Variants in GPR153 observed in about 807,000 individuals in gnomAD.
GPR153 encodes probable G protein-coupled receptor 153.
Under a neutral mutation model 34.1 loss-of-function variants are expected in GPR153, and 27 were observed. The ratio of observed to expected loss-of-function variants is 0.79; its 90% CI spans 0.58 to 1.09. The LOEUF is 1.09. Ranked by LOEUF, GPR153 falls within the 50% of genes least tolerant of loss-of-function variation. GPR153 has a pLI of 0.00. For missense variants in GPR153, 848 were observed against 860.2 expected, an observed-to-expected ratio of 0.99 and a Z score of 0.18; for synonymous variants, 408 against 405.4, an observed-to-expected ratio of 1.01 and a Z score of -0.08.
intron 1 of GPR153, among the ~76,000 whole-genome samples, chr1:6,258,317 C>T (rs1328105901): frequency 7.2e-5 from 11 of 152,086 alleles, no homozygotes; most frequent in Non-Finnish European, 4.4e-5. Flanking sequence ...TTAGTAGAGA[C>T]GAGGTTTCAT....
rs2100991128 is a variant in GPR153, at chr1:6,255,549, A to G, written c.-109-535T>C. On this transcript the variant is annotated intron_variant, in intron 1 of 5. Coordinates refer to ENST00000377893, the MANE Select transcript of GPR153 (RefSeq NM_207370.4). ...GAGTGCAGTGGTGAGATCATAGCTC[A>G]CTGTGGCATGGAACTCCTGGGCTCA... Among the ~76,000 whole-genome samples the G allele has an allele frequency of 2.7e-5, 4 of 148,436 alleles. 1 individual carries two copies. In the Admixed American group the frequency reaches 2.7e-4, roughly 10 times the overall value.
chr1:6,247,897 A>T lies in GPR153; in HGVS notation c.*1441T>A, dbSNP rs1448801236. The T allele has an allele frequency of 6.6e-6, 1 of 152,388 alleles. No individual in the cohort carries two copies. The highest frequency in any genetic ancestry group is 1.5e-5 in the Non-Finnish European group (1 of 68,152). 9.4% of individuals were successfully genotyped at this position (152,388 alleles called of 1,614,324 possible). On this transcript the variant is annotated 3_prime_UTR_variant, in exon 6 of 6. Transcript: ENST00000377893. ...GGGACTGGAGGGGCCTCTGAAGCAC[A>T]GACAGGCTTAGGCAGCCTCCCACCC... is the stretch of plus-strand genomic sequence containing the variant.
chr1:6,253,889 G>T lies in GPR153; in HGVS notation c.615C>A (p.Arg205=), dbSNP rs897234991. 1.2e-6 allele frequency: 2 copies of T among 1,603,536 alleles called. No individual in the cohort carries two copies. The highest frequency in any genetic ancestry group is 2.2e-5 in the South Asian group (2 of 90,358). ...CGGTGAAGGCGCGGCGGTCGGCCTG[G>T]CGCCCCACCTGCACGGCCAGCGTCT... ...LFQTLAVQVG[R]QADRRAFTVP... Residue 205 remains arginine (R), a synonymous_variant, in exon 3 of 6, where the codon CGC becomes CGA. Coordinates refer to ENST00000377893, the MANE Select transcript of GPR153 (RefSeq NM_207370.4).
chr1:6,253,835 C>G lies in GPR153; in HGVS notation c.669G>C (p.Gln223His), dbSNP rs1463901745. ...TVPTIVVEDAQGKRRSSIDGS... is the reference protein window; with the variant it reads ...TVPTIVVEDAHGKRRSSIDGS... ...CATCGATGGAGGAGCGCCGCTTGCC[C>G]TGCGCGTCCTCCACCACGATGGTGG... is the stretch of plus-strand genomic sequence containing the variant. The change falls in exon 3 of 6, where the codon CAG (glutamine) becomes CAC (histidine). Residue 223 changes from glutamine to histidine, a missense_variant. Gln to His is a conservative substitution (Grantham distance 24). Transcript: ENST00000377893. 2 of 1,600,532 alleles carry G rather than the reference C, an allele frequency of 1.2e-6. No individual in the cohort carries two copies. Among genetic ancestry groups the G allele is most frequent in the Admixed American group, 3.4e-5 (2 of 59,314 alleles).
intron 1 of GPR153, among the ~76,000 whole-genome samples, chr1:6,258,980 GC>G (rs1230030526): frequency 2.0e-5 from 3 of 152,250 alleles, no homozygotes; most frequent in Non-Finnish European, 4.4e-5. Flanking sequence ...AGGTCTGAAG[GC>G]AGGGTGCAGT....
chr1:6,250,451 G>C lies in GPR153; in HGVS notation c.1153C>G (p.Gln385Glu). 6.2e-7 allele frequency: 1 copy of C among 1,601,142 alleles called. No individual in the cohort carries two copies. Among genetic ancestry groups the C allele is most frequent in the Non-Finnish European group, 8.5e-7 (1 of 1,174,288 alleles). The change falls in exon 5 of 6, where the codon CAA becomes GAA. Residue 385 changes from glutamine (Q) to glutamate (E), a missense_variant. Gln to Glu is a conservative substitution (Grantham distance 29, BLOSUM62 2). Coordinates refer to ENST00000377893, the MANE Select transcript of GPR153 (RefSeq NM_207370.4). ...AGCCCTGCGCTCACCTGCAGGTATT[G>C]CATCTTGTCCTCCTGCAAGGGCCGC... Reference protein sequence around the residue: ...PLRPLQEDKMQYLQVPPTRRF... With the variant: ...PLRPLQEDKMEYLQVPPTRRF...
Position 6,249,587 on chromosome 1 carries a change from G to T in GPR153, c.1581C>A (p.Ala527=), listed in dbSNP as rs1378084097. 1.2e-5 allele frequency: 14 copies of T among 1,165,278 alleles called. No homozygotes were observed. The highest frequency in any genetic ancestry group is 3.2e-5 in the African/African-American group (2 of 61,630). 72.2% of individuals were successfully genotyped at this position (1,165,278 alleles called of 1,614,324 possible). The change falls in exon 6 of 6, where the codon GCC becomes GCA. Residue 527 remains alanine, a synonymous_variant. Coordinates refer to ENST00000377893, the MANE Select transcript of GPR153 (RefSeq NM_207370.4). The surrounding 1 kb of genome is among the most constrained non-coding windows in gnomAD (Gnocchi z 4.3). ...CTCCGGGATCTGCGCCGTCGGGGGCGGCGGGCGCAGCGGGGAAGGGCCCGG... is the reference window on the plus strand; with the variant it reads ...CTCCGGGATCTGCGCCGTCGGGGGCTGCGGGCGCAGCGGGGAAGGGCCCGG... ...RPPGPFPAAP[A]APDGADPGEA... is the part of the protein sequence containing the mutation.
chr1:6,249,510 G>C lies in GPR153; in HGVS notation c.1658C>G (p.Ser553Cys), dbSNP rs1638384966. The change falls in exon 6 of 6, where the codon TCT (serine) becomes TGT (cysteine). Residue 553 changes from serine to cysteine, a missense_variant. Coordinates refer to ENST00000377893, the MANE Select transcript of GPR153 (RefSeq NM_207370.4). This position sits in a 1 kb window ranked among gnomAD's most constrained non-coding sequence, Gnocchi z 4.3. Reference protein sequence around the residue: ...SAQRSPGPRPSAHSHAGSLRP... With the variant: ...SAQRSPGPRPCAHSHAGSLRP... ...CAGAGAGCCGGCGTGCGAGTGCGCA[G>C]AGGGGCGTGGCCCTGGGCTCCGCTG... is the stretch of plus-strand genomic sequence containing the variant. The C allele has an allele frequency of 8.0e-7, 1 of 1,246,096 alleles. No individual in the cohort carries two copies. Among genetic ancestry groups the C allele is most frequent in the South Asian group, 3.2e-5 (1 of 30,860 alleles). The allele number at this position is 1,246,096 out of a possible 1,614,324, so 77.2% of individuals were successfully genotyped here.
chr1:6,260,376 TCC>T (rs1258623746), intron 1 of GPR153, among the ~76,000 whole-genome samples: 10 of 13,486 alleles, frequency 7.4e-4, no homozygotes, highest in South Asian at 2.3e-3. Flanking sequence ...GGGGCTCCGA[TCC>T]CCCCCCCCCC....
Position 6,248,441 on chromosome 1 carries a change from TGTG to T in GPR153, c.*894_*896del, listed in dbSNP as rs1172050915. 3 of 151,996 alleles carry T rather than the reference TGTG, an allele frequency of 2.0e-5. No individual in the cohort carries two copies. Among genetic ancestry groups the T allele is most frequent in the Admixed American group, 6.6e-5 (1 of 15,228 alleles). 9.4% of individuals were successfully genotyped at this position (151,996 alleles called of 1,614,324 possible). On this transcript the variant is annotated 3_prime_UTR_variant, in exon 6 of 6. Transcript: ENST00000377893. ...TGGTGGGAGCCATGGAGGGAGATGA[TGTG>T]GTGGGGACAGGCAACGACGGCAGAG...
chr1:6,258,387 C>T (rs745638552), intron 1 of GPR153, among the ~76,000 whole-genome samples: 53 of 152,232 alleles, frequency 3.5e-4, no homozygotes, highest in Non-Finnish European at 6.5e-4. Context: ...CTTCGGCCTC[C>T]CGAAGTGCTG....
At position 6,248,664 on chromosome 1, in the gene GPR153, C is replaced by G. The variant is rs1638355676; in HGVS notation, c.*674G>C. The G allele has an allele frequency of 6.6e-6, 1 of 152,316 alleles. No individual in the cohort carries two copies. The highest frequency in any genetic ancestry group is 2.4e-5 in the African/African-American group (1 of 41,438). 9.4% of individuals were successfully genotyped at this position (152,316 alleles called of 1,614,324 possible). ...GGACCTCCACAAAGGCCGCAGAGGG[C>G]TCTAGACTACCTCTCACACCTGGGC... is the stretch of plus-strand genomic sequence containing the variant. On this transcript the variant is annotated 3_prime_UTR_variant, in exon 6 of 6. Coordinates refer to ENST00000377893, the MANE Select transcript of GPR153 (RefSeq NM_207370.4).
rs1557610463 is a variant in GPR153, at chr1:6,249,445, G to A, written c.1723C>T (p.Leu575=). ...CTGCCGCCGCCGCCCGCCGCGCGCA[G>A]CCCCCCGGGCTCGCCCCACGACGCG... ...LSASWGEPGG[L]RAAGGGGSTS... is the part of the protein sequence containing the mutation. Residue 575 remains leucine, a synonymous_variant, in exon 6 of 6, where the codon CTG becomes TTG. Coordinates refer to ENST00000377893, the MANE Select transcript of GPR153 (RefSeq NM_207370.4). The surrounding 1 kb of genome is among the most constrained non-coding windows in gnomAD (Gnocchi z 4.3). The A allele has an allele frequency of 2.2e-6, 3 of 1,356,390 alleles. No individual in the cohort carries two copies. Among genetic ancestry groups the A allele is most frequent in the East Asian group, 3.1e-5 (1 of 32,252 alleles). The allele number at this position is 1,356,390 out of a possible 1,614,324, so 84.0% of individuals were successfully genotyped here.
chr1:6,260,390 CGCAAT>C (rs1557617769), intron 1 of GPR153, among the ~76,000 whole-genome samples: 39 of 131,452 alleles, frequency 3.0e-4, no homozygotes, highest in African/African-American at 9.2e-4. Flanking sequence ...CCCCCCCCCC[CGCAAT>C]CCCCGCTCCG....
At chr1:6,250,132 G>A (rs1193791227) in intron 5 of GPR153, 129 bp from the exon 6 acceptor site, 1 of 1,328,956 alleles carries the variant, frequency 7.5e-7, no homozygotes, top group Non-Finnish European at 9.6e-7. Flanking sequence ...GTCTGGCTGG[G>A]AGCTGTGAGG....
Position 6,249,822 on chromosome 1 carries a change from G to A in GPR153, c.1346C>T (p.Pro449Leu), listed in dbSNP as rs1638397277. Residue 449 changes from proline to leucine, a missense_variant, in exon 6 of 6, where the codon CCG becomes CTG. Coordinates refer to ENST00000377893, the MANE Select transcript of GPR153 (RefSeq NM_207370.4). This position sits in a 1 kb window ranked among gnomAD's most constrained non-coding sequence, Gnocchi z 4.3. Reference sequence around the variant, plus strand: ...GGCCGAGCGGCGGCGCGCGCGGGACGGTGGTGCGTCCTCCGCGAAGGCCAG... The same window carrying A: ...GGCCGAGCGGCGGCGCGCGCGGGACAGTGGTGCGTCCTCCGCGAAGGCCAG... ...SLLAFAEDAP[P>L]SRARRRSAES... is the part of the protein sequence containing the mutation. The A allele has an allele frequency of 8.2e-7, 1 of 1,216,346 alleles. No homozygotes were observed. The highest frequency in any genetic ancestry group is 1.0e-6 in the Non-Finnish European group (1 of 977,830). The allele number at this position is 1,216,346 out of a possible 1,614,324, so 75.3% of individuals were successfully genotyped here.
intron 1 of GPR153, among the ~76,000 whole-genome samples, chr1:6,259,837 C>A (rs775640390): frequency 1.3e-5 from 2 of 152,174 alleles, no homozygotes; most frequent in Non-Finnish European, 2.9e-5. Flanking sequence ...TAGAATGGAG[C>A]GGCCACTAGG....
In GPR153 at chr1:6,249,509, A is replaced by C; in HGVS notation, c.1659T>G (p.Ser553=). The C allele has an allele frequency of 8.0e-7, 1 of 1,247,826 alleles. No homozygotes were observed. The highest frequency in any genetic ancestry group is 1.0e-6 in the Non-Finnish European group (1 of 999,822). The allele number at this position is 1,247,826 out of a possible 1,614,324, so 77.3% of individuals were successfully genotyped here. A position where few individuals can be genotyped will look rare whatever the true frequency, so the allele number is the denominator to read the frequency against. Residue 553 remains serine, a synonymous_variant, in exon 6 of 6, where the codon TCT becomes TCG. Transcript: ENST00000377893. This position sits in a 1 kb window ranked among gnomAD's most constrained non-coding sequence, Gnocchi z 4.3. ...GCAGAGAGCCGGCGTGCGAGTGCGC[A>C]GAGGGGCGTGGCCCTGGGCTCCGCT... ...SAQRSPGPRP[S]AHSHAGSLRP...
chr1:6,260,329 C>T (rs1295327938), intron 1 of GPR153, among the ~76,000 whole-genome samples: 1 of 146,808 alleles, frequency 6.8e-6, no homozygotes, highest in Non-Finnish European at 1.5e-5. Flanking sequence ...CTCCGGCACG[C>T]CCCCCCCAGC....
Sources: allele counts gnomAD v4.1 joint callset (sites outside exome capture counted in the v4.1 genomes callset), GRCh38; gene constraint gnomAD v4.1.1; non-coding constraint Gnocchi (gnomAD v3.1); transcripts MANE v1.5; gene names NCBI Gene and HGNC (gene_info 2026-07-23, HGNC 2026-07-21).